Variants in CNTLN observed in about 807,000 individuals in gnomAD.
CNTLN encodes centlein, also known as centlein, centrosomal protein.
CNTLN carries 212 observed loss-of-function variants against 180.0 expected under a neutral mutation model. That is an observed-to-expected ratio of 1.18 (90% CI 1.05 to 1.32). The LOEUF is 1.32. Among genes scored for constraint, CNTLN ranks in the 40% most tolerant of loss-of-function variants. The pLI, the probability that CNTLN is intolerant of heterozygous loss-of-function variation, is 0.00. For missense variants in CNTLN, 2,095 were observed against 1,610.9 expected, an observed-to-expected ratio of 1.30 and a Z score of -5.14; for synonymous variants, 722 against 563.1, an observed-to-expected ratio of 1.28 and a Z score of -3.99.
chr9:17,383,375 G>A (rs1825413349), intron 13 of CNTLN, among the ~76,000 whole-genome samples: 1 of 151,662 alleles, frequency 6.6e-6, no homozygotes, highest in Non-Finnish European at 1.5e-5. Flanking sequence ...AAAGTTGGGT[G>A]TGGTGGCACA....
At chr9:17,470,144 G>A (rs766629085) in intron 23 of CNTLN, among the ~76,000 whole-genome samples, 7 of 151,792 alleles carry the variant, frequency 4.6e-5, no homozygotes, top group Admixed American at 1.3e-4. Flanking sequence ...GGAAAGGAAC[G>A]TTGTCATTTG....
the CNTLN span, among the ~76,000 whole-genome samples, chr9:17,513,311 T>C: frequency 1.3e-5 from 2 of 151,824 alleles, no homozygotes; most frequent in Non-Finnish European, 2.9e-5. Flanking sequence ...CTATGAGACA[T>C]AGCTAAAGCT....
chr9:17,465,426 A>T (rs1831689664), intron 21 of CNTLN, among the ~76,000 whole-genome samples: 1 of 150,564 alleles, frequency 6.6e-6, no homozygotes, highest in South Asian at 2.1e-4. Context: ...TAATAATTTC[A>T]TACATAGCCT....
intron 2 of CNTLN, among the ~76,000 whole-genome samples, chr9:17,187,930 G>C (rs1821531211): frequency 6.6e-6 from 1 of 150,844 alleles, no homozygotes; most frequent in Non-Finnish European, 1.5e-5. Context: ...TTTTGAGTGT[G>C]TGAAAATGTA....
At position 17,213,064 on chromosome 9, in the gene CNTLN, G is replaced by T. The variant is rs149710137; in HGVS notation, c.450-13139G>T. 5.6e-3 allele frequency among the ~76,000 whole-genome samples: 849 copies of T among 152,118 alleles called. 5 individuals are homozygous for T. The highest frequency in any genetic ancestry group is 0.017 in the African/African-American group (723 of 41,482). On this transcript the variant is annotated intron_variant, in intron 2 of 25. Coordinates refer to ENST00000380647, the MANE Select transcript of CNTLN (RefSeq NM_017738.4). ...TTGTGTCTCTATCTCCTTCAGTTCT[G>T]CTCTGATCTTACTTATTTCTCGCCT...
intron 12 of CNTLN, among the ~76,000 whole-genome samples, chr9:17,350,278 C>T (rs897953576): frequency 4.6e-5 from 7 of 152,158 alleles, no homozygotes; most frequent in African/African-American, 7.2e-5. Flanking sequence ...TACTGACATT[C>T]GTGTGTGTTT....
chr9:17,453,559 A>T (rs1161951614), intron 18 of CNTLN, among the ~76,000 whole-genome samples: 4 of 152,172 alleles, frequency 2.6e-5, no homozygotes, highest in Non-Finnish European at 5.9e-5. Context: ...AATTACCACA[A>T]ATTTAGCAGC....
intron 23 of CNTLN, 141 bp downstream of exon 23, chr9:17,467,032 T>G (rs992936156): frequency 3.7e-5 from 18 of 485,296 alleles, no homozygotes; most frequent in Non-Finnish European, 6.1e-5. Context: ...TTTATCACAT[T>G]GCTAATAATT....
rs2134436466 is a variant in CNTLN at position 17,503,422 on chromosome 9, C to T, written c.*770C>T. On this transcript the variant is annotated 3_prime_UTR_variant, in exon 26 of 26. Coordinates refer to ENST00000380647, the MANE Select transcript of CNTLN (RefSeq NM_017738.4). ...TTTAGATTCCTGGACATTCCCACCT[C>T]ATTTCACCTCTTCACCGTGTTCCTG... is the stretch of plus-strand genomic sequence containing the variant. The T allele has an allele frequency of 6.6e-6, 1 of 152,284 alleles. No homozygotes were observed. The highest frequency in any genetic ancestry group is 1.9e-4 in the East Asian group (1 of 5,178). 9.4% of individuals were successfully genotyped at this position (152,284 alleles called of 1,614,324 possible).
intron 7 of CNTLN, 136 bp downstream of exon 7, chr9:17,298,488 G>A (rs920651492): frequency 5.3e-6 from 7 of 1,330,214 alleles, no homozygotes; most frequent in Non-Finnish European, 5.8e-6. Flanking sequence ...ATTTAGAAGT[G>A]AAGGATGGTT....
intron 2 of CNTLN, among the ~76,000 whole-genome samples, chr9:17,159,199 G>C (rs1819506204): frequency 6.6e-6 from 1 of 152,034 alleles, no homozygotes. Context: ...TTTGTTTTAT[G>C]GCCAAGCATA....
At chr9:17,432,203 A>G (rs1355795996) in intron 18 of CNTLN, among the ~76,000 whole-genome samples, 1 of 152,212 alleles carries the variant, frequency 6.6e-6, no homozygotes, top group Admixed American at 6.5e-5. Context: ...AAAAAAACAA[A>G]AAACAAAAAA....
chr9:17,265,931 T>G (rs542472433), intron 5 of CNTLN, among the ~76,000 whole-genome samples: 4 of 152,256 alleles, frequency 2.6e-5, no homozygotes, highest in Non-Finnish European at 5.9e-5. Flanking sequence ...TTCTCTCTTT[T>G]TTTCTTTATT....
intron 12 of CNTLN, among the ~76,000 whole-genome samples, chr9:17,358,735 C>G (rs1350436809): frequency 6.6e-6 from 1 of 152,064 alleles, no homozygotes; most frequent in Non-Finnish European, 1.5e-5. Context: ...TAAAAGGAAT[C>G]TTGTATATGA....
intron 6 of CNTLN, 42 bp downstream of exon 6, chr9:17,273,908 A>C: frequency 1.7e-4 from 237 of 1,401,138 alleles, no homozygotes; most frequent in Middle Eastern, 3.6e-4. Flanking sequence ...TAGAAATGTC[A>C]TTAGTTATTC....
intron 2 of CNTLN, among the ~76,000 whole-genome samples, chr9:17,164,554 T>A (rs1483417869): frequency 7.4e-6 from 1 of 134,522 alleles, no homozygotes; most frequent in East Asian, 2.8e-4. Flanking sequence ...GACCTCTGCC[T>A]CCCTGGTTCG....
chr9:17,481,764 A>C (rs1832661688), intron 23 of CNTLN, among the ~76,000 whole-genome samples: 1 of 152,184 alleles, frequency 6.6e-6, no homozygotes, highest in Non-Finnish European at 1.5e-5. Flanking sequence ...AACAGGAAGC[A>C]ATTCTAGAGC....
chr9:17,225,017 G>A (rs562772630), intron 2 of CNTLN, among the ~76,000 whole-genome samples: 22 of 151,808 alleles, frequency 1.4e-4, no homozygotes, highest in South Asian at 4.1e-4. Context: ...AAATTTTATA[G>A]TTGCCTTTAA....
chr9:17,153,933 G>A (rs529158913), intron 2 of CNTLN, among the ~76,000 whole-genome samples: 28 of 151,748 alleles, frequency 1.8e-4, no homozygotes, highest in East Asian at 5.8e-4. Context: ...CTTTTCTTCC[G>A]CTTGATCGAT....
Sources: allele counts gnomAD v4.1 joint callset (sites outside exome capture counted in the v4.1 genomes callset), GRCh38; gene constraint gnomAD v4.1.1; transcripts MANE v1.5; gene names NCBI Gene and HGNC (gene_info 2026-07-23, HGNC 2026-07-21).